Variants in NPAS3 observed in about 807,000 individuals in gnomAD.
NPAS3 encodes neuronal PAS domain protein 3, also known as neuronal PAS domain-containing protein 3.
Under a neutral mutation model 73.1 loss-of-function variants are expected in NPAS3, and 14 were observed. The ratio of observed to expected loss-of-function variants is 0.19; its 90% CI spans 0.13 to 0.30. NPAS3 has a LOEUF of 0.30. Among genes scored for constraint, NPAS3 ranks in the 10% least tolerant of loss-of-function variants. NPAS3 has a pLI of 1.00. For missense variants in NPAS3, 1,096 were observed against 1,250.0 expected, an observed-to-expected ratio of 0.88 and a Z score of 1.86; for synonymous variants, 620 against 541.5, an observed-to-expected ratio of 1.14 and a Z score of -2.01.
chr14:33,797,632 C>T, intron 11 of NPAS3, 51 bp downstream of exon 11: 2 of 1,597,826 alleles, frequency 1.3e-6, no homozygotes, highest in Admixed American at 1.7e-5. Context: ...CCACCACGCG[C>T]AGGGGGTGGG....
chr14:33,714,965 C>T (rs1236936666), intron 6 of NPAS3, among the ~76,000 whole-genome samples: 1 of 152,200 alleles, frequency 6.6e-6, no homozygotes, highest in Non-Finnish European at 1.5e-5. Flanking sequence ...ATAAGCCAGT[C>T]TTGACATCTC....
At chr14:32,941,884 ACTTTGTTGTCAGGGTTTTAAATG>A (rs947637501) in intron 1 of NPAS3, among the ~76,000 whole-genome samples, 4 of 152,170 alleles carry the variant, frequency 2.6e-5, no homozygotes, top group Non-Finnish European at 5.9e-5. Flanking sequence ...CCAAGGGTTC[ACTTTGTTGTCAGGGTTTTAAATG>A]CTCTTAACAC....
At chr14:33,079,325 C>CTT (rs772885846) in intron 2 of NPAS3, among the ~76,000 whole-genome samples, 5 of 132,296 alleles carry the variant, frequency 3.8e-5, no homozygotes, top group African/African-American at 8.7e-5. Flanking sequence ...TTTCTTTTTC[C>CTT]TTTTTTTTTT....
intron 1 of NPAS3, among the ~76,000 whole-genome samples, chr14:32,993,452 CCTTT>C (rs2038422129): frequency 6.6e-6 from 1 of 152,094 alleles, no homozygotes. Context: ...CAAATTCCTT[CCTTT>C]GTGTAGGGAC....
intron 2 of NPAS3, among the ~76,000 whole-genome samples, chr14:33,088,558 A>G (rs965871235): frequency 1.3e-5 from 2 of 152,182 alleles, no homozygotes; most frequent in African/African-American, 4.8e-5. Context: ...AACTGGGTGG[A>G]GCCCACCGCA....
chr14:33,777,718 C>A (rs551139646), intron 8 of NPAS3, among the ~76,000 whole-genome samples: 2 of 152,288 alleles, frequency 1.3e-5, no homozygotes, highest in Non-Finnish European at 2.9e-5. Context: ...ACACGGTTTC[C>A]AATTTGGGCT....
At chr14:33,433,781 G>T (rs1316125884) in intron 4 of NPAS3, among the ~76,000 whole-genome samples, 2 of 152,216 alleles carry the variant, frequency 1.3e-5, no homozygotes, top group Non-Finnish European at 2.9e-5. Context: ...CCTGAAAACA[G>T]CCTTTTCTGT....
chr14:33,535,926 C>T (rs1287062273), intron 4 of NPAS3, among the ~76,000 whole-genome samples: 1 of 152,160 alleles, frequency 6.6e-6, no homozygotes, highest in Non-Finnish European at 1.5e-5. Flanking sequence ...CCCTCTGTGA[C>T]TGAGAGTGCT....
chr14:33,554,422 T>C lies in NPAS3; in HGVS notation c.469-5699T>C, dbSNP rs17101531. ...GAATTGGAAGAACATCACAGATGCA[T>C]GGCACATTGGACAAGGAGCACATGC... On this transcript the variant is annotated intron_variant, in intron 4 of 11. Coordinates refer to ENST00000356141, the Ensembl canonical transcript of NPAS3. Among the ~76,000 whole-genome samples the C allele has an allele frequency of 7.0e-3, 1,059 of 152,330 alleles. 14 individuals are homozygous for C. Among genetic ancestry groups the C allele is most frequent in the African/African-American group, 0.024 (991 of 41,580 alleles).
At chr14:33,628,555 C>T (rs1205177399) in intron 5 of NPAS3, among the ~76,000 whole-genome samples, 3 of 152,172 alleles carry the variant, frequency 2.0e-5, no homozygotes, top group Non-Finnish European at 2.9e-5. Flanking sequence ...CACCTAGTTG[C>T]GATGCTCCGT....
At chr14:33,566,607 G>A (rs1432390673) in intron 5 of NPAS3, among the ~76,000 whole-genome samples, 1 of 152,048 alleles carries the variant, frequency 6.6e-6, no homozygotes, top group East Asian at 1.9e-4. Flanking sequence ...ATCTATATTG[G>A]CAGGGATCTT....
At chr14:33,778,600 C>T (rs374520771) in intron 9 of NPAS3, 28 bp downstream of exon 9, 1 of 1,485,374 alleles carries the variant, frequency 6.7e-7, no homozygotes, top group Non-Finnish European at 9.4e-7. Context: ...GGGGGAATAA[C>T]CCCGGCTGGT....
chr14:33,517,990 C>T (rs752397316), intron 4 of NPAS3, among the ~76,000 whole-genome samples: 2 of 152,020 alleles, frequency 1.3e-5, no homozygotes, highest in African/African-American at 2.4e-5. Flanking sequence ...AAGCAGCTTC[C>T]GAACATCCAC....
intron 4 of NPAS3, among the ~76,000 whole-genome samples, chr14:33,392,966 G>A (rs549337510): frequency 1.3e-5 from 2 of 152,216 alleles, no homozygotes; most frequent in African/African-American, 4.8e-5. Flanking sequence ...AATGTTTGCT[G>A]GGGTGAGCTC....
intron 2 of NPAS3, among the ~76,000 whole-genome samples, chr14:33,186,105 C>G (rs1015008613): frequency 2.0e-5 from 3 of 152,144 alleles, no homozygotes; most frequent in Non-Finnish European, 4.4e-5. Flanking sequence ...GACTCCCCCC[C>G]ACCCACAAGT....
rs557845527 is a variant in NPAS3, at chr14:33,321,284, C to G, written c.386-45902C>G. Among the ~76,000 whole-genome samples, 167 of 152,128 alleles carry G rather than the reference C, an allele frequency of 1.1e-3. 2 individuals are homozygous for G. The highest frequency in any genetic ancestry group is 9.5e-3 in the South Asian group (46 of 4,822). ...GATTTGTAGATACTCTAGAGTTGACCAGTACAGAATAGGATTCAAAATAAG... is the reference window on the plus strand; with the variant it reads ...GATTTGTAGATACTCTAGAGTTGACGAGTACAGAATAGGATTCAAAATAAG... On this transcript the variant is annotated intron_variant, in intron 3 of 11. Coordinates refer to ENST00000356141, the Ensembl canonical transcript of NPAS3.
chr14:33,432,424 T>G (rs752182912), intron 4 of NPAS3, among the ~76,000 whole-genome samples: 1 of 152,210 alleles, frequency 6.6e-6, no homozygotes. Context: ...ACAAGTATTA[T>G]GAAAATCTCA....
At chr14:33,641,344 GA>G (rs964045101) in intron 5 of NPAS3, among the ~76,000 whole-genome samples, 3 of 152,020 alleles carry the variant, frequency 2.0e-5, no homozygotes, top group Non-Finnish European at 4.4e-5. Flanking sequence ...AGTTGAATAT[GA>G]AAAAAATAAC....
chr14:33,588,534 T>C (rs2056948768), intron 5 of NPAS3, among the ~76,000 whole-genome samples: 1 of 152,256 alleles, frequency 6.6e-6, no homozygotes, highest in African/African-American at 2.4e-5. Context: ...TTTTTGCTTC[T>C]TAATTCCTTC....
Sources: gnomAD v4.1 joint callset for allele counts (sites outside exome capture counted in the v4.1 genomes callset) on GRCh38, gnomAD v4.1.1 for gene constraint, MANE v1.5 for transcripts, NCBI Gene and HGNC (gene_info 2026-07-23, HGNC 2026-07-21) for gene names.